The following GAR1 variants were observed in gnomAD, a reference collection of about 807,000 sequenced individuals.
GAR1 encodes the protein GAR1 ribonucleoprotein.
GAR1 carries 11 observed loss-of-function variants against 29.3 expected under a neutral mutation model. The observed-to-expected ratio is 0.38, with a 90% confidence interval of 0.24 to 0.62. The LOEUF (loss-of-function observed/expected upper bound fraction) is 0.62, where lower values mean the gene tolerates loss of function less well. Among genes scored for constraint, GAR1 ranks in the 20% least tolerant of loss-of-function variants. The probability of loss-of-function intolerance (pLI) is 0.62; values close to 1 mark genes in which losing one functional copy is unlikely to be tolerated. For synonymous variants in GAR1, 87 were observed against 93.3 expected (o/e 0.93, Z 0.39); for missense variants, 237 against 268.4 (o/e 0.88, Z 0.82).
intron 2 of GAR1, among the ~76,000 whole-genome samples, chr4:109,817,668 G>A (rs1289638672): frequency 6.6e-6 from 1 of 152,144 alleles, no homozygotes; most frequent in Non-Finnish European, 1.5e-5. Context: ...CTGTATATTA[G>A]GTATAGCTAT....
rs767089624 is a variant in GAR1, at chr4:109,818,086, A to C, written c.365A>C (p.Asp122Ala). 6.3e-7 allele frequency: 1 copy of C among 1,594,902 alleles called. No individual in the cohort carries two copies. Among genetic ancestry groups the C allele is most frequent in the Non-Finnish European group, 8.5e-7 (1 of 1,173,168 alleles). ...GATGAAATATTTGGACAACTCAGAG[A>C]TTTTGTATCCTTTTTCATTGGAAGG... ...KVDEIFGQLR[D>A]FYFSVKLSEN... Residue 122 changes from aspartate to alanine, a missense_variant, in exon 3 of 7, where the codon GAT becomes GCT. Coordinates refer to ENST00000226796, the MANE Select transcript of GAR1 (RefSeq NM_018983.4).
intron 4 of GAR1, among the ~76,000 whole-genome samples, chr4:109,821,785 A>G (rs940330358): frequency 3.9e-5 from 6 of 152,214 alleles, no homozygotes; most frequent in Non-Finnish European, 5.9e-5. Flanking sequence ...GTGCCAAAGT[A>G]CAAGTGCCTT....
chr4:109,822,172 A>AG (rs1733532519), intron 4 of GAR1, among the ~76,000 whole-genome samples, 175 bp from the exon 5 acceptor site: 2 of 139,756 alleles, frequency 1.4e-5, no homozygotes, highest in Non-Finnish European at 3.1e-5. Flanking sequence ...AAAAAAAAAA[A>AG]AAAAAAAGAA....
chr4:109,820,813 A>C (rs1733493923), intron 4 of GAR1, among the ~76,000 whole-genome samples: 1 of 152,014 alleles, frequency 6.6e-6, no homozygotes, highest in Non-Finnish European at 1.5e-5. Context: ...AGTTGTAGAA[A>C]CCTTGGCAAG....
chr4:109,815,669 G>T, upstream of GAR1: 1 of 164,846 alleles, frequency 6.1e-6, no homozygotes, highest in Non-Finnish European at 1.3e-5. Context: ...TTTTTTTTTG[G>T]CAAACCAGTT....
intron 2 of GAR1, among the ~76,000 whole-genome samples, chr4:109,817,586 T>G (rs893018104): frequency 5.9e-5 from 9 of 152,186 alleles, no homozygotes; most frequent in Non-Finnish European, 8.8e-5. Flanking sequence ...CTGTTACAGG[T>G]TGAATGGTGT....
intron 2 of GAR1, 87 bp from the exon 3 acceptor site, chr4:109,817,849 G>GGTA: frequency 9.1e-7 from 1 of 1,095,506 alleles, no homozygotes; most frequent in East Asian, 2.4e-5. Flanking sequence ...TGAAGTCCCA[G>GGTA]GTAGCCAAAA....
At chr4:109,822,096 C>T (rs898848328) in intron 4 of GAR1, among the ~76,000 whole-genome samples, 10 of 143,076 alleles carry the variant, frequency 7.0e-5, no homozygotes, top group Non-Finnish European at 1.5e-4. Flanking sequence ...ACCACCATGG[C>T]ACATGTGTAC....
At chr4:109,822,525 T>G (rs770835604) in intron 5 of GAR1, 37 bp downstream of exon 5, 1 of 1,575,296 alleles carries the variant, frequency 6.3e-7, no homozygotes, top group African/African-American at 1.4e-5. Context: ...TGAAATTAAC[T>G]GTGACTTTCA....
At chr4:109,822,852 TA>T in intron 5 of GAR1, among the ~76,000 whole-genome samples, 2 of 152,222 alleles carry the variant, frequency 1.3e-5, no homozygotes, top group African/African-American at 4.8e-5. Context: ...TATATATTTT[TA>T]ATACTCAGCG....
chr4:109,821,412 A>AT (rs1188585551), intron 4 of GAR1, among the ~76,000 whole-genome samples: 1 of 152,246 alleles, frequency 6.6e-6, no homozygotes, highest in Non-Finnish European at 1.5e-5. Flanking sequence ...AGATCTTATT[A>AT]TAAGTCATAT....
chr4:109,816,444 G>A, intron 2 of GAR1, 66 bp downstream of exon 2: 3 of 1,488,878 alleles, frequency 2.0e-6, no homozygotes, highest in Non-Finnish European at 2.8e-6. Context: ...TGTGTTGTTA[G>A]GCAGCAAGTT....
intron 1 of GAR1, 43 bp from the exon 2 acceptor site, chr4:109,816,110 G>A: frequency 2.6e-6 from 4 of 1,566,648 alleles, no homozygotes; most frequent in Non-Finnish European, 2.6e-6. Context: ...TATACTCAGA[G>A]GCTACAGTGA....
In GAR1 at chr4:109,824,616, A is replaced by G. The variant is rs1733603494; in HGVS notation, c.*185A>G. The G allele has an allele frequency of 1.4e-5, 8 of 571,148 alleles. No individual in the cohort carries two copies. Among genetic ancestry groups the G allele is most frequent in the Middle Eastern group, 4.7e-4 (1 of 2,136 alleles). 35.4% of individuals were successfully genotyped at this position (571,148 alleles called of 1,614,324 possible). A position where few individuals can be genotyped will look rare whatever the true frequency, so the allele number is the denominator to read the frequency against. Reference sequence around the variant, plus strand: ...ATAGTGAATTTTGCTCTAAAAGAGCATGAACAAGTCTTTCTAATGTTTTGT... The same window carrying G: ...ATAGTGAATTTTGCTCTAAAAGAGCGTGAACAAGTCTTTCTAATGTTTTGT... On this transcript the variant is annotated 3_prime_UTR_variant, in exon 7 of 7. Coordinates refer to ENST00000226796, the MANE Select transcript of GAR1 (RefSeq NM_018983.4).
Position 109,816,380 on chromosome 4 carries a change from T to C in GAR1, c.214+2T>C. The stretch of plus-strand genomic sequence containing the variant: ...AAGGACCTCCAGAACGTGTAGTCTG[T>C]ATGCAGTCTTCAGTATTTAGCTTAT... On this transcript the variant is annotated splice_donor_variant, in intron 2 of 6. Coordinates refer to ENST00000226796, the MANE Select transcript of GAR1 (RefSeq NM_018983.4). LOFTEE classifies it high-confidence loss of function. The C allele has an allele frequency of 6.2e-7, 1 of 1,613,116 alleles. No homozygotes were observed. Among genetic ancestry groups the C allele is most frequent in the East Asian group, 2.2e-5 (1 of 44,870 alleles).
chr4:109,816,435 G>C lies in GAR1; in HGVS notation c.214+57G>C, dbSNP rs766292148. 947 of 1,531,152 alleles carry C rather than the reference G, an allele frequency of 6.2e-4. 2 individuals are homozygous for C. Among genetic ancestry groups the C allele is most frequent in the Non-Finnish European group, 7.3e-4 (815 of 1,109,558 alleles). 94.8% of individuals were successfully genotyped at this position (1,531,152 alleles called of 1,614,324 possible). ...AGGAGTAGGTGTGGGTTGGGGGTTT[G>C]TGTTGTTAGGCAGCAAGTTTGGGAT... On this transcript the variant is annotated intron_variant, in intron 2 of 6. Coordinates refer to ENST00000226796, the MANE Select transcript of GAR1 (RefSeq NM_018983.4).
At chr4:109,817,161 T>C (rs1361490787) in intron 2 of GAR1, among the ~76,000 whole-genome samples, 1 of 151,954 alleles carries the variant, frequency 6.6e-6, no homozygotes, top group Non-Finnish European at 1.5e-5. Context: ...TACCAGTCCA[T>C]ACATGAGACC....
At chr4:109,822,730 T>C (rs1733547487) in intron 5 of GAR1, among the ~76,000 whole-genome samples, 1 of 152,236 alleles carries the variant, frequency 6.6e-6, no homozygotes, top group Non-Finnish European at 1.5e-5. Flanking sequence ...ATTCATGTTT[T>C]CTTGGACATT....
chr4:109,817,233 A>G (rs568138172), intron 2 of GAR1, among the ~76,000 whole-genome samples: 1 of 152,292 alleles, frequency 6.6e-6, no homozygotes, highest in South Asian at 2.1e-4. Context: ...GATAGGAGAG[A>G]GATTTCAAAG....
Sources: allele counts gnomAD v4.1 joint callset (sites outside exome capture counted in the v4.1 genomes callset), GRCh38; gene constraint gnomAD v4.1.1; transcripts MANE v1.5; gene names NCBI Gene and HGNC (gene_info 2026-07-23, HGNC 2026-07-21).